SELENOT: variants seen among roughly 807,000 people sequenced by gnomAD.
SELENOT encodes the protein thioredoxin reductase-like selenoprotein T.
Under a neutral mutation model 24.3 loss-of-function variants are expected in SELENOT, and 9 were observed. That is an observed-to-expected ratio of 0.37 (90% CI 0.22 to 0.65). The LOEUF is 0.65. Ranked by LOEUF, SELENOT falls within the 30% of genes least tolerant of loss-of-function variation. The pLI, the probability that SELENOT is intolerant of heterozygous loss-of-function variation, is 0.60. For missense variants in SELENOT, 166 were observed against 247.6 expected (o/e 0.67, Z 2.21); for synonymous variants, 81 against 86.0 (o/e 0.94, Z 0.32).
At chr3:150,622,293 T>G in intron 1 of SELENOT, 92 bp from the exon 2 acceptor site, 1 of 511,118 alleles carries the variant, frequency 2.0e-6, no homozygotes, top group Non-Finnish European at 3.2e-6. Context: ...GAGAAAAATT[T>G]GTAATCTTGA....
intron 1 of SELENOT, among the ~76,000 whole-genome samples, chr3:150,608,663 A>G (rs1441872939): frequency 1.3e-5 from 2 of 152,236 alleles, no homozygotes; most frequent in African/African-American, 2.4e-5. Context: ...ATTGGTATCA[A>G]TGAAATAAAG....
intron 1 of SELENOT, among the ~76,000 whole-genome samples, chr3:150,621,492 C>A (rs150273251): frequency 6.6e-6 from 1 of 151,892 alleles, no homozygotes; most frequent in African/African-American, 2.4e-5. Flanking sequence ...ATTATCTGTT[C>A]CTTAACTTAG....
At chr3:150,621,739 G>A (rs1399701247) in intron 1 of SELENOT, among the ~76,000 whole-genome samples, 6 of 142,790 alleles carry the variant, frequency 4.2e-5, no homozygotes, top group Non-Finnish European at 9.0e-5. Context: ...TGAAAATTAT[G>A]TTCCCAATCT....
At chr3:150,611,143 A>G (rs1726080881) in intron 1 of SELENOT, 1 of 625,010 alleles carries the variant, frequency 1.6e-6, no homozygotes, top group African/African-American at 1.9e-5. Flanking sequence ...TAGAGTCAGA[A>G]ACAAAGAAAA....
chr3:150,619,876 G>A (rs896517841), intron 1 of SELENOT, among the ~76,000 whole-genome samples: 2 of 152,140 alleles, frequency 1.3e-5, no homozygotes, highest in East Asian at 3.9e-4. Flanking sequence ...ATAGGAAAAA[G>A]GGTTCCTTGG....
At chr3:150,612,098 C>CTT (rs878978274) in intron 1 of SELENOT, among the ~76,000 whole-genome samples, 4 of 144,896 alleles carry the variant, frequency 2.8e-5, no homozygotes, top group Admixed American at 6.9e-5. Context: ...GGGTCTTCAG[C>CTT]TTTTTTTTTT....
chr3:150,603,608 C>T, intron 1 of SELENOT, 109 bp downstream of exon 1: 1 of 1,277,124 alleles, frequency 7.8e-7, no homozygotes, highest in South Asian at 1.6e-5. Context: ...TCGCTGGCCT[C>T]GTAGAACTGT....
intron 3 of SELENOT, among the ~76,000 whole-genome samples, chr3:150,624,342 C>T (rs369477560): frequency 2.0e-5 from 3 of 152,116 alleles, no homozygotes; most frequent in African/African-American, 7.2e-5. Flanking sequence ...AAACACTTAG[C>T]CGCTTTTGGG....
chr3:150,618,479 A>G (rs1036611157), intron 1 of SELENOT, among the ~76,000 whole-genome samples: 29 of 152,232 alleles, frequency 1.9e-4, no homozygotes, highest in Admixed American at 2.0e-4. Context: ...TTTGACTCCA[A>G]TTAGCAGCAA....
chr3:150,622,325 C>A, intron 1 of SELENOT, 60 bp from the exon 2 acceptor site: 1 of 794,642 alleles, frequency 1.3e-6, no homozygotes, highest in Non-Finnish European at 1.8e-6. Flanking sequence ...CTTTAACTAA[C>A]TACAAAATAA....
chr3:150,627,075 C>A lies in SELENOT; in HGVS notation c.529C>A (p.Leu177Ile). The A allele has an allele frequency of 6.2e-7, 1 of 1,613,696 alleles. No homozygotes were observed. Among genetic ancestry groups the A allele is most frequent in the Non-Finnish European group, 8.5e-7 (1 of 1,179,696 alleles). The change falls in exon 5 of 6, where the codon CTT (leucine) becomes ATT (isoleucine). Residue 177 changes from leucine to isoleucine, a missense_variant. Physicochemically the swap from Leu to Ile is conservative, Grantham distance 5 (BLOSUM62 2). This residue lies in a region of SELENOT where 44 missense variants were observed against 72.2 expected (regional missense o/e 0.61). Coordinates refer to ENST00000471696, the MANE Select transcript of SELENOT (RefSeq NM_016275.5). ...LPSMQQLVQILDNEMKLNVHM... is the reference protein window; with the variant it reads ...LPSMQQLVQIIDNEMKLNVHM... Reference sequence around the variant, plus strand: ...ATCCATGCAACAACTTGTTCAAATTCTTGACAATGAAATGAAGCTCAATGT... The same window carrying A: ...ATCCATGCAACAACTTGTTCAAATTATTGACAATGAAATGAAGCTCAATGT...
chr3:150,613,050 A>G lies in SELENOT; in HGVS notation c.138-9335A>G, dbSNP rs116389405. 3.6e-3 allele frequency among the ~76,000 whole-genome samples: 549 copies of G among 152,338 alleles called. 5 individuals carry two copies. Among genetic ancestry groups the G allele is most frequent in the African/African-American group, 0.013 (531 of 41,586 alleles). On this transcript the variant is annotated intron_variant, in intron 1 of 5. Coordinates refer to ENST00000471696, the MANE Select transcript of SELENOT (RefSeq NM_016275.5). ...GAAGATGAAAGAGTCCGAAAGATTT[A>G]AAGATTTTTGAGCAGAATTAGACAT...
intron 1 of SELENOT, among the ~76,000 whole-genome samples, chr3:150,610,955 C>T (rs1726072417): frequency 6.7e-6 from 1 of 150,224 alleles, no homozygotes; most frequent in African/African-American, 2.5e-5. Context: ...GAGCTGATTT[C>T]CTGACTCTGT....
intron 1 of SELENOT, 149 bp downstream of exon 1, chr3:150,603,648 G>A: frequency 2.1e-6 from 2 of 965,830 alleles, no homozygotes; most frequent in Non-Finnish European, 3.0e-6. Context: ...CAGCCTTCTC[G>A]CGGCCCCTTA....
chr3:150,610,133 T>C (rs1726056792), intron 1 of SELENOT, among the ~76,000 whole-genome samples: 1 of 152,252 alleles, frequency 6.6e-6, no homozygotes, highest in Non-Finnish European at 1.5e-5. Context: ...GTTTTACTTA[T>C]GATTGGTCTC....
At chr3:150,623,551 A>T (rs751811259) in intron 3 of SELENOT, among the ~76,000 whole-genome samples, 21 of 151,308 alleles carry the variant, frequency 1.4e-4, no homozygotes, top group African/African-American at 4.9e-4. Flanking sequence ...GTTGATTCAC[A>T]TTAAAAAGGG....
intron 1 of SELENOT, among the ~76,000 whole-genome samples, chr3:150,617,275 A>G (rs1172657124): frequency 6.6e-6 from 1 of 152,086 alleles, no homozygotes; most frequent in Non-Finnish European, 1.5e-5. Context: ...CTTATTTAGT[A>G]ATGATGGAAA....
At chr3:150,620,888 G>A (rs1368879535) in intron 1 of SELENOT, among the ~76,000 whole-genome samples, 1 of 152,096 alleles carries the variant, frequency 6.6e-6, no homozygotes, top group Non-Finnish European at 1.5e-5. Flanking sequence ...TTGGTATAAA[G>A]AAAAGATTAA....
At chr3:150,614,246 A>G (rs1726163703) in intron 1 of SELENOT, among the ~76,000 whole-genome samples, 1 of 152,202 alleles carries the variant, frequency 6.6e-6, no homozygotes, top group Non-Finnish European at 1.5e-5. Flanking sequence ...GGAGGCAGGT[A>G]GGGGATGACT....
Sources: gnomAD v4.1 joint callset for allele counts (sites outside exome capture counted in the v4.1 genomes callset) on GRCh38, gnomAD v4.1.1 for gene constraint, gnomAD v4.1.1 regional missense constraint, MANE v1.5 for transcripts, NCBI Gene and HGNC (gene_info 2026-07-23, HGNC 2026-07-21) for gene names.